Variants in MBNL2 observed in about 807,000 individuals in gnomAD.
MBNL2 encodes the protein muscleblind like splicing regulator 2, also known as muscleblind-like protein 2.
A neutral mutation model predicts 41.9 loss-of-function variants in MBNL2; 17 were observed. That is an observed-to-expected ratio of 0.41 (90% CI 0.28 to 0.61). The LOEUF is 0.61. Ranked by LOEUF, MBNL2 falls within the 20% of genes least tolerant of loss-of-function variation. The probability of loss-of-function intolerance (pLI) is 0.35; values close to 1 mark genes in which losing one functional copy is unlikely to be tolerated. For synonymous variants in MBNL2, 195 were observed against 182.9 expected (o/e 1.07, Z -0.53); for missense variants, 336 against 505.6 (o/e 0.66, Z 3.22).
At chr13:97,209,183 C>G in the MBNL2 span, among the ~76,000 whole-genome samples, 1 of 152,116 alleles carries the variant, frequency 6.6e-6, no homozygotes, top group South Asian at 2.1e-4. Context: ...TTTTCTACTT[C>G]GAGGATAATG....
upstream of MBNL2, among the ~76,000 whole-genome samples, chr13:97,219,829 G>GA (rs2040706980): frequency 6.6e-6 from 1 of 152,140 alleles, no homozygotes; most frequent in African/African-American, 2.4e-5. Flanking sequence ...ACTGAAGTGT[G>GA]AAAAAAGGTT....
intron 1 of MBNL2, among the ~76,000 whole-genome samples, chr13:97,233,630 A>G (rs1014937408): frequency 6.6e-6 from 1 of 151,420 alleles, no homozygotes; most frequent in Non-Finnish European, 1.5e-5. Flanking sequence ...CACAAAGACC[A>G]TCCCCTCAGG....
chr13:97,221,554 G>A (rs1340417309), upstream of MBNL2: 2 of 152,036 alleles, frequency 1.3e-5, no homozygotes, highest in African/African-American at 2.4e-5. Flanking sequence ...CTTCATTAAC[G>A]ATAATGTGAG....
chr13:97,220,874 G>A (rs570345664), upstream of MBNL2, among the ~76,000 whole-genome samples: 1 of 152,262 alleles, frequency 6.6e-6, no homozygotes, highest in South Asian at 2.1e-4. Context: ...TCACAAATCT[G>A]TTTAAGTATA....
At chr13:97,197,482 C>T in the MBNL2 span, among the ~76,000 whole-genome samples, 2 of 152,186 alleles carry the variant, frequency 1.3e-5, no homozygotes, top group African/African-American at 2.4e-5. Context: ...GATAATCTCT[C>T]AAAGTTCTCT....
intron 8 of MBNL2, among the ~76,000 whole-genome samples, chr13:97,365,517 T>G (rs756888275): frequency 1.3e-5 from 2 of 152,232 alleles, no homozygotes; most frequent in Non-Finnish European, 2.9e-5. Context: ...CATCAATGTT[T>G]GAAAGTTTCA....
chr13:97,294,697 A>G (rs1425365658), intron 2 of MBNL2, among the ~76,000 whole-genome samples: 1 of 152,172 alleles, frequency 6.6e-6, no homozygotes, highest in South Asian at 2.1e-4. Flanking sequence ...TAGTTATATC[A>G]CCTACTCTGA....
rs1252660719 is a variant in MBNL2, at chr13:97,334,324, T to C, written c.223T>C (p.Leu75=). Residue 75 remains leucine, a synonymous_variant, in exon 3 of 9, where the codon TTA becomes CTA. Coordinates refer to ENST00000679496, the MANE Select transcript of MBNL2 (RefSeq NM_001382683.1). The surrounding 1 kb of genome is among the most constrained non-coding windows in gnomAD (Gnocchi z 5.3). The part of the protein sequence containing the change: ...NCKYLHPPTH[L]KTQLEINGRN... ...CAAGTATCTTCACCCTCCGACACAC[T>C]TAAAAACTCAACTAGAAATTAATGG... 6.2e-7 allele frequency: 1 copy of C among 1,613,644 alleles called. No homozygotes were observed. The highest frequency in any genetic ancestry group is 8.5e-7 in the Non-Finnish European group (1 of 1,179,794).
rs1169897854 is a variant in MBNL2 at position 97,353,672 on chromosome 13, T to G, written c.805-3124T>G. 3.3e-5 allele frequency among the ~76,000 whole-genome samples: 5 copies of G among 152,340 alleles called. No homozygotes were observed. In the East Asian group the frequency reaches 9.6e-4, roughly 29 times the overall value. ...ACATAACCATCACCATCACCAGAAT[T>G]TTTTAAACATGAGAATAAGACAGAC... On this transcript the variant is annotated intron_variant, in intron 5 of 8. Coordinates refer to ENST00000679496, the MANE Select transcript of MBNL2 (RefSeq NM_001382683.1).
intron 2 of MBNL2, among the ~76,000 whole-genome samples, chr13:97,332,321 G>A (rs1480661407): frequency 6.6e-6 from 1 of 152,196 alleles, no homozygotes; most frequent in African/African-American, 2.4e-5. Flanking sequence ...GATCCTCATG[G>A]ATACCTCACA....
intron 7 of MBNL2, 30 bp from the exon 8 acceptor site, chr13:97,365,106 C>A: frequency 6.6e-7 from 1 of 1,520,500 alleles, no homozygotes; most frequent in Non-Finnish European, 9.1e-7. Context: ...CCTTTATTCA[C>A]TTTTTCCACC....
chr13:97,222,567 G>T, intron 1 of MBNL2, 36 bp downstream of exon 1: 1 of 397,716 alleles, frequency 2.5e-6, no homozygotes, highest in South Asian at 1.3e-4. Context: ...AATGTTTAAA[G>T]AGTTTGCTGC....
intron 2 of MBNL2, among the ~76,000 whole-genome samples, chr13:97,279,222 G>A (rs1164733241): frequency 6.6e-6 from 1 of 152,242 alleles, no homozygotes; most frequent in African/African-American, 2.4e-5. Flanking sequence ...GAAGCAGCAA[G>A]GGCTTTGAAA....
chr13:97,208,625 G>C, the MBNL2 span, among the ~76,000 whole-genome samples: 1 of 152,200 alleles, frequency 6.6e-6, no homozygotes, highest in East Asian at 1.9e-4. Context: ...TCAGGGACTT[G>C]AGAAATTTGG....
chr13:97,192,609 A>G, the MBNL2 span, among the ~76,000 whole-genome samples: 1 of 152,226 alleles, frequency 6.6e-6, no homozygotes, highest in Non-Finnish European at 1.5e-5. Flanking sequence ...TTTCCTGTCC[A>G]TGGTTTGGCA....
chr13:97,316,624 C>G (rs948319109), intron 2 of MBNL2, among the ~76,000 whole-genome samples: 7 of 152,186 alleles, frequency 4.6e-5, no homozygotes, highest in African/African-American at 1.7e-4. Context: ...TGGCTGTTCT[C>G]TCTGCCTGGG....
At chr13:97,345,231 A>G (rs1279473622) in intron 4 of MBNL2, among the ~76,000 whole-genome samples, 1 of 152,220 alleles carries the variant, frequency 6.6e-6, no homozygotes, top group Non-Finnish European at 1.5e-5. Flanking sequence ...TAACATCACT[A>G]ATGATCAGCG....
chr13:97,162,829 TG>T, the MBNL2 span, among the ~76,000 whole-genome samples: 3 of 152,216 alleles, frequency 2.0e-5, no homozygotes, highest in African/African-American at 7.2e-5. Context: ...GGTTTATTTT[TG>T]AATGACTAGC....
chr13:97,328,178 T>A (rs2060071694), intron 2 of MBNL2, among the ~76,000 whole-genome samples: 1 of 147,946 alleles, frequency 6.8e-6, no homozygotes, highest in African/African-American at 2.6e-5. Context: ...TAACCCTTTT[T>A]TTTTTTTTTT....
Sources: allele counts gnomAD v4.1 joint callset (sites outside exome capture counted in the v4.1 genomes callset), GRCh38; gene constraint gnomAD v4.1.1; non-coding constraint Gnocchi (gnomAD v3.1); transcripts MANE v1.5; gene names NCBI Gene and HGNC (gene_info 2026-07-23, HGNC 2026-07-21).